Variants in HYKK observed in about 807,000 individuals in gnomAD.
HYKK encodes the protein hydroxylysine kinase.
Under a neutral mutation model 29.7 loss-of-function variants are expected in HYKK, and 19 were observed. The observed-to-expected ratio is 0.64, with a 90% CI of 0.45 to 0.94. The LOEUF is 0.94. Among genes scored for constraint, HYKK ranks in the 40% least tolerant of loss-of-function variants. HYKK has a pLI of 0.00. For synonymous variants in HYKK, 152 were observed against 158.1 expected (o/e 0.96, Z 0.29); for missense variants, 390 against 443.4 (o/e 0.88, Z 1.08).
intron 3 of HYKK, among the ~76,000 whole-genome samples, chr15:78,516,991 CTTG>C (rs2052140238): frequency 6.6e-6 from 1 of 151,400 alleles, no homozygotes; most frequent in Admixed American, 6.6e-5. Context: ...TGCACTCCAG[CTTG>C]GGTGACAGAG....
intron 3 of HYKK, among the ~76,000 whole-genome samples, chr15:78,520,314 T>C (rs1042284146): frequency 6.6e-5 from 10 of 151,870 alleles, no homozygotes; most frequent in Non-Finnish European, 1.5e-4. Flanking sequence ...CATAGGACAA[T>C]AGTGGAGGGA....
chr15:78,520,205 T>C (rs951070093), intron 3 of HYKK, among the ~76,000 whole-genome samples: 1 of 152,156 alleles, frequency 6.6e-6, no homozygotes, highest in Non-Finnish European at 1.5e-5. Context: ...CCCATGCCTT[T>C]GCAGGAGCTG....
chr15:78,534,863 GA>G lies in HYKK; in HGVS notation c.*1195del, dbSNP rs1177699238. The G allele has an allele frequency of 6.6e-6, 1 of 152,136 alleles. No homozygotes were observed. Among genetic ancestry groups the G allele is most frequent in the Admixed American group, 6.6e-5 (1 of 15,264 alleles). The allele number at this position is 152,136 out of a possible 1,614,324, so 9.4% of individuals were successfully genotyped here. On this transcript the variant is annotated 3_prime_UTR_variant, in exon 5 of 5. Transcript: ENST00000388988. ...ATGGTTCCTTTCAGACTGATACCAG[GA>G]ACCTCCTTAAGCATATAAGCATATA...
intron 3 of HYKK, among the ~76,000 whole-genome samples, chr15:78,520,803 C>T (rs1029208668): frequency 6.6e-6 from 1 of 152,080 alleles, no homozygotes; most frequent in African/African-American, 2.4e-5. Flanking sequence ...CCTCACTTCC[C>T]AGTAGGGGCG....
Position 78,513,376 on chromosome 15 carries a change from C to A in HYKK, c.288C>A (p.Ala96=), listed in dbSNP as rs763524778. 1 of 1,614,038 alleles carries A rather than the reference C, an allele frequency of 6.2e-7. No homozygotes were observed. The highest frequency in any genetic ancestry group is 1.3e-5 in the African/African-American group (1 of 74,924). ...MFLKAAGFPT[A]SVCHTKGDNT... ...TGAAAGCCGCTGGATTTCCAACAGC[C>A]TCTGTGTGTCACACTAAAGGAGACA... Residue 96 remains alanine, a synonymous_variant, in exon 2 of 5, where the codon GCC becomes GCA. Coordinates refer to ENST00000388988, the MANE Select transcript of HYKK (RefSeq NM_001013619.4).
downstream of HYKK, chr15:78,536,786 T>C (rs974298088): frequency 6.6e-6 from 1 of 152,220 alleles, no homozygotes; most frequent in South Asian, 2.1e-4. Context: ...GCGTTATTCC[T>C]AAGCATGTCT....
intron 3 of HYKK, among the ~76,000 whole-genome samples, chr15:78,519,131 A>G (rs995646935): frequency 1.1e-4 from 16 of 152,146 alleles, no homozygotes; most frequent in Admixed American, 1.0e-3. Context: ...CATTTATTCC[A>G]TGCGCCACGC....
chr15:78,510,036 G>A (rs993116224), intron 1 of HYKK, among the ~76,000 whole-genome samples: 14 of 152,186 alleles, frequency 9.2e-5, no homozygotes, highest in South Asian at 4.1e-4. Flanking sequence ...GGTGGTTAGC[G>A]TTTGAGGGTT....
intron 3 of HYKK, among the ~76,000 whole-genome samples, chr15:78,524,550 C>T (rs1002713887): frequency 2.0e-5 from 3 of 152,172 alleles, no homozygotes; most frequent in African/African-American, 7.2e-5. Context: ...TGGCTATTAG[C>T]GCTTGGCTCC....
intron 2 of HYKK, among the ~76,000 whole-genome samples, chr15:78,513,825 T>C (rs1224671123): frequency 6.6e-6 from 1 of 152,188 alleles, no homozygotes; most frequent in African/African-American, 2.4e-5. Flanking sequence ...GGGGTCTCAC[T>C]CTATCACCCA....
At chr15:78,516,034 G>A (rs954513914) in intron 3 of HYKK, among the ~76,000 whole-genome samples, 3 of 152,118 alleles carry the variant, frequency 2.0e-5, no homozygotes, top group Admixed American at 2.0e-4. Context: ...ATTTCATCCA[G>A]TCACAGTATA....
intron 1 of HYKK, among the ~76,000 whole-genome samples, chr15:78,510,884 G>C (rs1024561996): frequency 1.3e-5 from 2 of 149,138 alleles, no homozygotes; most frequent in Admixed American, 6.7e-5. Context: ...CTCTCAGAAA[G>C]TTCTCTCATG....
chr15:78,523,416 A>C (rs568908938), intron 3 of HYKK, among the ~76,000 whole-genome samples: 2 of 151,990 alleles, frequency 1.3e-5, no homozygotes, highest in South Asian at 2.1e-4. Flanking sequence ...TTCATGAGAA[A>C]CCACCCCCAT....
intron 4 of HYKK, chr15:78,528,424 C>G: frequency 3.0e-6 from 3 of 985,400 alleles, no homozygotes; most frequent in Non-Finnish European, 3.6e-6. Context: ...ATATATCTAT[C>G]TCCCTGTGTA....
chr15:78,514,374 G>A (rs752103795), intron 2 of HYKK, among the ~76,000 whole-genome samples: 1 of 152,094 alleles, frequency 6.6e-6, no homozygotes, highest in Non-Finnish European at 1.5e-5. Context: ...TAAGCAACAG[G>A]CTAAAACCAA....
downstream of HYKK, chr15:78,537,290 T>C (rs746065033): frequency 1.2e-5 from 8 of 643,530 alleles, no homozygotes; most frequent in East Asian, 1.9e-4. Context: ...TTATTTTACT[T>C]TACTTTCAGG....
intron 4 of HYKK, among the ~76,000 whole-genome samples, chr15:78,532,163 A>C (rs1056731827): frequency 3.9e-5 from 6 of 152,202 alleles, no homozygotes; most frequent in South Asian, 4.1e-4. Context: ...TTTTTCCCCC[A>C]ACCCATTACA....
intron 1 of HYKK, among the ~76,000 whole-genome samples, chr15:78,508,910 TG>T (rs1393803420): frequency 1.4e-5 from 1 of 70,798 alleles, no homozygotes; most frequent in East Asian, 3.8e-4. Flanking sequence ...AGGCCAGGCA[TG>T]GTGGCACCTG....
chr15:78,509,192 A>G (rs2052047126), intron 1 of HYKK, among the ~76,000 whole-genome samples: 1 of 152,218 alleles, frequency 6.6e-6, no homozygotes, highest in African/African-American at 2.4e-5. Context: ...TGGAGCGCTT[A>G]TATAAAGAAA....
Sources: allele counts gnomAD v4.1 joint callset (sites outside exome capture counted in the v4.1 genomes callset), GRCh38; gene constraint gnomAD v4.1.1; transcripts MANE v1.5; gene names NCBI Gene and HGNC (gene_info 2026-07-23, HGNC 2026-07-21).